The following PLK1 variants were observed in gnomAD, a reference collection of about 807,000 sequenced individuals.
PLK1 encodes serine/threonine-protein kinase PLK1.
PLK1 carries 6 observed loss-of-function variants against 56.7 expected under a neutral mutation model. The ratio of observed to expected loss-of-function variants is 0.11; its 90% confidence interval spans 0.06 to 0.21. The LOEUF is 0.21. Ranked by LOEUF, PLK1 falls within the 10% of genes least tolerant of loss-of-function variation. PLK1 has a pLI of 1.00. For missense variants in PLK1, 546 were observed against 814.4 expected, an observed-to-expected ratio of 0.67 and a Z score of 4.01; for synonymous variants, 298 against 325.0, an observed-to-expected ratio of 0.92 and a Z score of 0.89.
At chr16:23,683,006 T>G (rs1478780405) in intron 4 of PLK1, among the ~76,000 whole-genome samples, 6 of 141,558 alleles carry the variant, frequency 4.2e-5, no homozygotes, top group Admixed American at 3.6e-4. Context: ...TTTTTTTTTT[T>G]TTGAGATGGA....
At chr16:23,682,571 C>G (rs1414429848) in intron 4 of PLK1, among the ~76,000 whole-genome samples, 1 of 148,902 alleles carries the variant, frequency 6.7e-6, no homozygotes, top group Non-Finnish European at 1.5e-5. Flanking sequence ...CTCTTGTTGC[C>G]CAGTGCAGTG....
At chr16:23,679,925 G>C (rs1315821895) in intron 1 of PLK1, 159 bp from the exon 2 acceptor site, 3 of 590,866 alleles carry the variant, frequency 5.1e-6, no homozygotes, top group Non-Finnish European at 9.1e-6. Flanking sequence ...GGAATGGGGT[G>C]GGGGCATAGG....
chr16:23,679,390 G>A (rs1321916042), intron 1 of PLK1, 50 bp downstream of exon 1: 1 of 1,542,966 alleles, frequency 6.5e-7, no homozygotes, highest in African/African-American at 1.4e-5. Context: ...CAGTTGGAGC[G>A]CCCAGACCTG....
intron 1 of PLK1, chr16:23,679,874 A>ACAGT (rs1178653241): frequency 1.9e-6 from 1 of 516,098 alleles, no homozygotes; most frequent in Non-Finnish European, 3.5e-6. Context: ...ATGGTTGTGG[A>ACAGT]CAGTGTTAAG....
chr16:23,689,793 C>T lies in PLK1; in HGVS notation c.1609-67C>T, dbSNP rs1348487983. The stretch of plus-strand genomic sequence containing the variant: ...CTCAGGTACCTATAACCTGTTGTGT[C>T]TTCCCTCTACTCCCTAACATACACT... On this transcript the variant is annotated intron_variant, in intron 9 of 9. Coordinates refer to ENST00000300093, the MANE Select transcript of PLK1 (RefSeq NM_005030.6). This position sits in a 1 kb window ranked among gnomAD's most constrained non-coding sequence, Gnocchi z 4.8. 3.9e-6 allele frequency: 6 copies of T among 1,531,918 alleles called. No homozygotes were observed. Among genetic ancestry groups the T allele is most frequent in the Non-Finnish European group, 4.5e-6 (5 of 1,110,660 alleles). 94.9% of individuals were successfully genotyped at this position (1,531,918 alleles called of 1,614,324 possible).
chr16:23,684,632 T>G (rs1959395531), intron 5 of PLK1, among the ~76,000 whole-genome samples: 1 of 152,210 alleles, frequency 6.6e-6, no homozygotes, highest in South Asian at 2.1e-4. Flanking sequence ...ATGACAGGCA[T>G]GAGCTGCTAC....
chr16:23,684,743 T>C (rs745442781), intron 5 of PLK1, among the ~76,000 whole-genome samples: 19 of 152,014 alleles, frequency 1.2e-4, no homozygotes, highest in Non-Finnish European at 2.8e-4. Flanking sequence ...CTGCAAGCTC[T>C]GCCTCCCGGG....
rs758854322 is a variant in PLK1 at position 23,689,792 on chromosome 16, T to TA, written c.1609-68_1609-67insA. The TA allele has an allele frequency of 9.8e-6, 15 of 1,537,254 alleles. No individual in the cohort carries two copies. Among genetic ancestry groups the TA allele is most frequent in the Non-Finnish European group, 1.3e-5 (15 of 1,115,326 alleles). On this transcript the variant is annotated intron_variant, in intron 9 of 9. Transcript: ENST00000300093. This position sits in a 1 kb window ranked among gnomAD's most constrained non-coding sequence, Gnocchi z 4.8. ...GCTCAGGTACCTATAACCTGTTGTG[T>TA]CTTCCCTCTACTCCCTAACATACAC... is the stretch of plus-strand genomic sequence containing the variant.
At chr16:23,682,183 A>G (rs1476950903) in intron 4 of PLK1, 26 bp downstream of exon 4, 1 of 1,281,394 alleles carries the variant, frequency 7.8e-7, no homozygotes, top group South Asian at 1.2e-5. Flanking sequence ...TTAAGTTTAC[A>G]TTTATTTTGT....
rs1349888089 is a variant in PLK1 at position 23,682,482 on chromosome 16, T to C, written c.816+325T>C. 4.6e-5 allele frequency among the ~76,000 whole-genome samples: 7 copies of C among 151,634 alleles called. No individual in the cohort carries two copies. The East Asian group carries it at 1.2e-3, about 25-fold the overall frequency. On this transcript the variant is annotated intron_variant, in intron 4 of 9. Transcript: ENST00000300093. ...AATGGTTTATCTTAATTCAAATGGA[T>C]TCTGCCACTTAGCGAGATCACATTG...
intron 2 of PLK1, 113 bp from the exon 3 acceptor site, chr16:23,680,801 C>A: frequency 9.9e-7 from 1 of 1,006,814 alleles, no homozygotes; most frequent in Non-Finnish European, 1.5e-6. Flanking sequence ...GGAGCAGAGG[C>A]TTGTGGGATC....
At position 23,682,101 on chromosome 16, in the gene PLK1, T is replaced by G; in HGVS notation, c.760T>G (p.Ser254Ala). ...AGTGGGCAAACCACCTTTTGAGACT[T>G]CTTGCCTAAAAGAGACCTACCTCCG... is the stretch of plus-strand genomic sequence containing the variant. ...LLVGKPPFET[S>A]CLKETYLRIK... The change falls in exon 4 of 10, where the codon TCT (serine) becomes GCT (alanine). Residue 254 changes from serine to alanine, a missense_variant. Physicochemically the swap from Ser to Ala is moderately conservative, Grantham distance 99. Transcript: ENST00000300093. 6.2e-7 allele frequency: 1 copy of G among 1,608,974 alleles called. No individual in the cohort carries two copies. The highest frequency in any genetic ancestry group is 8.5e-7 in the Non-Finnish European group (1 of 1,175,320).
In PLK1 at chr16:23,690,054, G is replaced by T; in HGVS notation, c.1803G>T (p.Lys601Asn). The T allele has an allele frequency of 6.2e-7, 1 of 1,609,032 alleles. No homozygotes were observed. The change falls in exon 10 of 10, where the codon AAG (lysine) becomes AAT (asparagine). Residue 601 changes from lysine (K) to asparagine (N), a missense_variant. Lys to Asn is a moderately conservative substitution (Grantham distance 94). Around this residue, in one of 7 missense-constraint regions of PLK1, gnomAD observed 72 missense variants for 77.9 expected, o/e 0.92. Transcript: ENST00000300093. ...LSSRSASNRLKAS is the reference protein window; with the variant it reads ...LSSRSASNRLNAS ...CACGCTCGGCCAGCAACCGTCTCAAGGCCTCCTAATAGCTGCCCTCCCCTC... is the reference window on the plus strand; with the variant it reads ...CACGCTCGGCCAGCAACCGTCTCAATGCCTCCTAATAGCTGCCCTCCCCTC...
chr16:23,689,993 G>T lies in PLK1; in HGVS notation c.1742G>T (p.Arg581Leu). 1 of 1,613,602 alleles carries T rather than the reference G, an allele frequency of 6.2e-7. No individual in the cohort carries two copies. The highest frequency in any genetic ancestry group is 8.5e-7 in the Non-Finnish European group (1 of 1,179,992). The change falls in exon 10 of 10, where the codon CGC becomes CTC. Residue 581 changes from arginine (R) to leucine (L), a missense_variant. Coordinates refer to ENST00000300093, the MANE Select transcript of PLK1 (RefSeq NM_005030.6). This position sits in a 1 kb window ranked among gnomAD's most constrained non-coding sequence, Gnocchi z 4.8. ...GCCKELASRL[R>L]YARTMVDKLL... The stretch of plus-strand genomic sequence containing the variant: ...TGCAAGGAGCTGGCCAGCCGGCTCC[G>T]CTACGCCCGCACTATGGTGGACAAG...
At position 23,679,202 on chromosome 16, in the gene PLK1, C is replaced by G; in HGVS notation, c.270C>G (p.Leu90=). 1 of 1,612,442 alleles carries G rather than the reference C, an allele frequency of 6.2e-7. No individual in the cohort carries two copies. Among genetic ancestry groups the G allele is most frequent in the Non-Finnish European group, 8.5e-7 (1 of 1,179,600 alleles). ...AGKIVPKSLL[L]KPHQREKMSM... ...AGATTGTGCCTAAGTCTCTGCTGCT[C>G]AAGCCGCACCAGAGGGAGAAGATGT... is the stretch of plus-strand genomic sequence containing the variant. Residue 90 remains leucine (L), a synonymous_variant, in exon 1 of 10, where the codon CTC becomes CTG. Coordinates refer to ENST00000300093, the MANE Select transcript of PLK1 (RefSeq NM_005030.6).
chr16:23,688,604 T>C, intron 6 of PLK1, 64 bp from the exon 7 acceptor site: 1 of 1,246,840 alleles, frequency 8.0e-7, no homozygotes, highest in Non-Finnish European at 1.2e-6. Flanking sequence ...GTGGGCCACA[T>C]GTGTGGAGCA....
At position 23,681,174 on chromosome 16, in the gene PLK1, C is replaced by T. The variant is rs1959325511; in HGVS notation, c.722+116C>T. The T allele has an allele frequency of 8.1e-6, 7 of 862,498 alleles. No individual in the cohort carries two copies. In the East Asian group the frequency reaches 1.3e-4, roughly 15 times the overall value. The allele number at this position is 862,498 out of a possible 1,614,324, so 53.4% of individuals were successfully genotyped here. Reference sequence around the variant, plus strand: ...GGCCTGCTTTACAGAAAGCCTACTCCAAGGGACAAGTCATCCCCAAACAAA... The same window carrying T: ...GGCCTGCTTTACAGAAAGCCTACTCTAAGGGACAAGTCATCCCCAAACAAA... On this transcript the variant is annotated intron_variant, in intron 3 of 9. Coordinates refer to ENST00000300093, the MANE Select transcript of PLK1 (RefSeq NM_005030.6).
chr16:23,680,157 T>G lies in PLK1; in HGVS notation c.482T>G (p.Val161Gly). Residue 161 changes from valine (V) to glycine (G), a missense_variant, in exon 2 of 10, where the codon GTG becomes GGG. Transcript: ENST00000300093. The part of the protein sequence containing the change: ...PEARYYLRQI[V>G]LGCQYLHRNR... ...GCCCGATACTACCTACGGCAAATTGTGCTTGGCTGCCAGTACCTGCACCGA... is the reference window on the plus strand; with the variant it reads ...GCCCGATACTACCTACGGCAAATTGGGCTTGGCTGCCAGTACCTGCACCGA... 1.9e-6 allele frequency: 3 copies of G among 1,614,018 alleles called. No individual in the cohort carries two copies. The highest frequency in any genetic ancestry group is 2.5e-6 in the Non-Finnish European group (3 of 1,179,942).
rs1959325903 is a variant in PLK1 at position 23,681,197 on chromosome 16, A to G, written c.722+139A>G. Reference sequence around the variant, plus strand: ...TCCAAGGGACAAGTCATCCCCAAACAAAGCCTAATTGTCATATCTTTCCCT... The same window carrying G: ...TCCAAGGGACAAGTCATCCCCAAACGAAGCCTAATTGTCATATCTTTCCCT... On this transcript the variant is annotated intron_variant, in intron 3 of 9. Transcript: ENST00000300093. 8 of 765,042 alleles carry G rather than the reference A, an allele frequency of 1.0e-5. No individual in the cohort carries two copies. The Admixed American group carries it at 1.5e-4, about 14-fold the overall frequency. The allele number at this position is 765,042 out of a possible 1,614,324, so 47.4% of individuals were successfully genotyped here.
Sources: gnomAD v4.1 joint callset for allele counts (sites outside exome capture counted in the v4.1 genomes callset) on GRCh38, gnomAD v4.1.1 for gene constraint, gnomAD v4.1.1 regional missense constraint, Gnocchi (gnomAD v3.1) non-coding constraint, MANE v1.5 for transcripts, NCBI Gene and HGNC (gene_info 2026-07-23, HGNC 2026-07-21) for gene names.